The following MIA2 variants were observed in gnomAD, a reference collection of about 807,000 sequenced individuals.
MIA2 encodes MIA SH3 domain ER export factor 2, also known as melanoma inhibitory activity protein 2.
Under a neutral mutation model 167.8 loss-of-function variants are expected in MIA2, and 127 were observed. The observed-to-expected ratio is 0.76, with a 90% CI of 0.66 to 0.88. The LOEUF (loss-of-function observed/expected upper bound fraction) is 0.88, where lower values mean the gene tolerates loss of function less well. Among genes scored for constraint, MIA2 ranks in the 40% least tolerant of loss-of-function variants. The probability of loss-of-function intolerance (pLI) is 0.00; values close to 1 mark genes in which losing one functional copy is unlikely to be tolerated. For missense variants in MIA2, 1,690 were observed against 1,624.7 expected, an observed-to-expected ratio of 1.04 and a Z score of -0.69; for synonymous variants, 552 against 541.9, an observed-to-expected ratio of 1.02 and a Z score of -0.26.
In MIA2 at chr14:39,320,983, T is replaced by C; in HGVS notation, c.3423T>C (p.Ala1141=). The part of the protein sequence containing the change: ...PLGWPSSETR[A]FLSPPTLLEG... ...GTTGGCCTTCATCTGAAACAAGAGC[T>C]TTTCTCTCTCCTCCAACTTTGTTGG... The change falls in exon 24 of 29, where the codon GCT becomes GCC. Residue 1141 remains alanine, a synonymous_variant. Coordinates refer to ENST00000640607, the MANE Select transcript of MIA2 (RefSeq NM_001329214.4). The C allele has an allele frequency of 6.2e-7, 1 of 1,613,732 alleles. No homozygotes were observed. Among genetic ancestry groups the C allele is most frequent in the South Asian group, 1.1e-5 (1 of 91,066 alleles).
At position 39,315,736 on chromosome 14, in the gene MIA2, T is replaced by G. The variant is rs753568864; in HGVS notation, c.3216+18T>G. On this transcript the variant is annotated intron_variant, in intron 21 of 28. Transcript: ENST00000640607. Reference sequence around the variant, plus strand: ...ATAATTGGGTAAGTTTAAAATTTCCTTAAGTCTCTTTTGTCAAATTGTATG... The same window carrying G: ...ATAATTGGGTAAGTTTAAAATTTCCGTAAGTCTCTTTTGTCAAATTGTATG... 7 of 1,508,974 alleles carry G rather than the reference T, an allele frequency of 4.6e-6. No individual in the cohort carries two copies. The highest frequency in any genetic ancestry group is 1.4e-5 in the African/African-American group (1 of 72,086). 93.5% of individuals were successfully genotyped at this position (1,508,974 alleles called of 1,614,324 possible).
chr14:39,245,513 T>C (rs1254762444), intron 3 of MIA2, among the ~76,000 whole-genome samples: 1 of 151,888 alleles, frequency 6.6e-6, no homozygotes, highest in Non-Finnish European at 1.5e-5. Context: ...TGCTTTAGAG[T>C]CTCTGGTCTG....
intron 4 of MIA2, among the ~76,000 whole-genome samples, chr14:39,250,522 C>A (rs577864301): frequency 6.6e-6 from 1 of 151,144 alleles, no homozygotes; most frequent in Non-Finnish European, 1.5e-5. Flanking sequence ...ATGATGAAAC[C>A]CTGTCTCTAC....
intron 13 of MIA2, among the ~76,000 whole-genome samples, chr14:39,296,338 A>G (rs1052400803): frequency 7.2e-5 from 11 of 151,986 alleles, no homozygotes; most frequent in African/African-American, 2.4e-4. Context: ...TTTTTCCTCA[A>G]AATTTTGACA....
intron 6 of MIA2, among the ~76,000 whole-genome samples, chr14:39,255,816 G>A (rs1233509980): frequency 6.6e-6 from 1 of 152,164 alleles, no homozygotes; most frequent in Non-Finnish European, 1.5e-5. Flanking sequence ...AGTAAACATA[G>A]TCAAATACAT....
At chr14:39,387,356 C>CA (rs2075286661) in exon 24 of MIA2, 1 of 161,732 alleles carries the variant, frequency 6.2e-6, no homozygotes, top group Admixed American at 6.5e-5. Flanking sequence ...CCATGGAATC[C>CA]ATGGAATGAT....
chr14:39,367,861 T>C (rs2074855957), intron 23 of MIA2, among the ~76,000 whole-genome samples: 1 of 152,210 alleles, frequency 6.6e-6, no homozygotes, highest in African/African-American at 2.4e-5. Flanking sequence ...CTGTGGTTGA[T>C]TGATTCTGTG....
At chr14:39,279,591 C>A in intron 9 of MIA2, 54 bp downstream of exon 9, 2 of 1,142,172 alleles carry the variant, frequency 1.8e-6, no homozygotes, top group Non-Finnish European at 1.3e-6. Flanking sequence ...CTTTATACTT[C>A]TCACTGTAGG....
rs774103157 is a variant in MIA2, at chr14:39,294,051, C to G, written c.2371C>G (p.Leu791Val). Residue 791 changes from leucine to valine, a missense_variant, in exon 12 of 29, where the codon CTC becomes GTC. Coordinates refer to ENST00000640607, the MANE Select transcript of MIA2 (RefSeq NM_001329214.4). ...IQSLEDESKS[L>V]KSQVAEAKMT... ...GTCTCTAGAAGATGAGTCAAAATCC[C>G]TCAAATCACAAGTAGCTGAAGTAAG... The G allele has an allele frequency of 3.7e-6, 6 of 1,611,054 alleles. No individual in the cohort carries two copies. Among genetic ancestry groups the G allele is most frequent in the Non-Finnish European group, 5.1e-6 (6 of 1,178,430 alleles).
intron 23 of MIA2, among the ~76,000 whole-genome samples, 180 bp from the exon 24 acceptor site, chr14:39,320,748 C>T (rs2066271678): frequency 6.6e-6 from 1 of 152,092 alleles, no homozygotes; most frequent in Admixed American, 6.5e-5. Context: ...ATATCGAAAA[C>T]ACCAGGGTCT....
chr14:39,238,807 A>AAAAAAAAAAAAAAAAAAAAAAAAAAAAC, intron 2 of MIA2, among the ~76,000 whole-genome samples: 1 of 148,390 alleles, frequency 6.7e-6, no homozygotes, highest in Non-Finnish European at 1.5e-5. Context: ...AAAAAAAAAA[A>AAAAAAAAAAAAAAAAAAAAAAAAAAAAC]AAAACCCAAA....
intron 23 of MIA2, chr14:39,386,466 A>C: frequency 6.5e-7 from 1 of 1,534,490 alleles, no homozygotes; most frequent in Non-Finnish European, 9.0e-7. Flanking sequence ...TGATTGGCCC[A>C]GTCTTTTACT....
chr14:39,313,300 G>A (rs2064690315), intron 18 of MIA2, 40 bp from the exon 19 acceptor site: 1 of 1,021,718 alleles, frequency 9.8e-7, no homozygotes. Context: ...ATTATCTTTT[G>A]ACATGTATTA....
At chr14:39,276,771 G>C in intron 6 of MIA2, 163 bp from the exon 7 acceptor site, 1 of 637,410 alleles carries the variant, frequency 1.6e-6, no homozygotes, top group Non-Finnish European at 2.7e-6. Context: ...TTTACTTGGC[G>C]ATAGTGATTG....
Position 39,238,811 on chromosome 14 carries a change from A to AAAAAAAAAAAAAAAAAC in MIA2, c.250-1750_250-1749insAAAAAAAAAAAAAAAAC. Among the ~76,000 whole-genome samples, 930 of 103,482 alleles carry AAAAAAAAAAAAAAAAAC rather than the reference A, an allele frequency of 9.0e-3. 97 individuals are homozygous for AAAAAAAAAAAAAAAAAC. The highest frequency in any genetic ancestry group is 0.033 in the African/African-American group (849 of 25,424). The allele number at this position is 103,482 out of a possible 152,430, so 67.9% of individuals were successfully genotyped here. A position where few individuals can be genotyped will look rare whatever the true frequency, so the allele number is the denominator to read the frequency against. On this transcript the variant is annotated intron_variant, in intron 2 of 28. Coordinates refer to ENST00000640607, the MANE Select transcript of MIA2 (RefSeq NM_001329214.4). Reference sequence around the variant, plus strand: ...CCTGTCTCAAAAAAAAAAAAAAAAAACCCAAAAAACAAAAAAACCTAGCTG... The same window carrying AAAAAAAAAAAAAAAAAC: ...CCTGTCTCAAAAAAAAAAAAAAAAAAAAAAAAAAAAAAAAAACCCCAAAAAACAAAAAAACCTAGCTG...
chr14:39,290,566 T>G (rs899356462), intron 9 of MIA2, among the ~76,000 whole-genome samples: 1 of 152,172 alleles, frequency 6.6e-6, no homozygotes, highest in Non-Finnish European at 1.5e-5. Flanking sequence ...AGTGAAAAGT[T>G]TTGATGGTCA....
intron 3 of MIA2, among the ~76,000 whole-genome samples, chr14:39,246,080 A>T (rs1042384472): frequency 2.1e-5 from 1 of 46,950 alleles, no homozygotes; most frequent in Non-Finnish European, 4.1e-5. Flanking sequence ...ATTTTTAAAA[A>T]TTTTTATTTA....
downstream of MIA2, among the ~76,000 whole-genome samples, chr14:39,354,617 A>C: frequency 6.6e-6 from 1 of 152,182 alleles, no homozygotes; most frequent in East Asian, 1.9e-4. Flanking sequence ...TTGGTGTTTT[A>C]GACATGAGAT....
intron 21 of MIA2, among the ~76,000 whole-genome samples, chr14:39,316,078 A>T (rs1305554100): frequency 6.6e-6 from 1 of 152,184 alleles, no homozygotes; most frequent in Non-Finnish European, 1.5e-5. Context: ...TTGTGTAACA[A>T]TGGGATTAGA....
Sources: gnomAD v4.1 joint callset for allele counts (sites outside exome capture counted in the v4.1 genomes callset) on GRCh38, gnomAD v4.1.1 for gene constraint, MANE v1.5 for transcripts, NCBI Gene and HGNC (gene_info 2026-07-23, HGNC 2026-07-21) for gene names.